The following SPATA17 variants were observed in gnomAD, a reference collection of about 807,000 sequenced individuals.
SPATA17 encodes spermatogenesis associated 17.
Under a neutral mutation model 62.2 loss-of-function variants are expected in SPATA17, and 53 were observed. The observed-to-expected ratio is 0.85, with a 90% CI of 0.68 to 1.07. SPATA17 has a LOEUF of 1.07. Among genes scored for constraint, SPATA17 ranks in the 50% least tolerant of loss-of-function variants. The pLI, the probability that SPATA17 is intolerant of heterozygous loss-of-function variation, is 0.00. For missense variants in SPATA17, 466 were observed against 425.5 expected, an observed-to-expected ratio of 1.10 and a Z score of -0.84; for synonymous variants, 146 against 146.8, an observed-to-expected ratio of 0.99 and a Z score of 0.04.
chr1:217,769,551 A>G (rs1286721875), intron 6 of SPATA17, among the ~76,000 whole-genome samples: 3 of 152,250 alleles, frequency 2.0e-5, no homozygotes, highest in African/African-American at 7.2e-5. Context: ...GAAGAGCTCC[A>G]AATGATCTCT....
intron 5 of SPATA17, among the ~76,000 whole-genome samples, chr1:217,700,112 T>TC (rs1229621525): frequency 6.6e-6 from 1 of 151,984 alleles, no homozygotes; most frequent in Non-Finnish European, 1.5e-5. Flanking sequence ...TTTCACTCTA[T>TC]TTTTTTTCAA....
chr1:217,815,959 A>G (rs757978710), intron 9 of SPATA17, among the ~76,000 whole-genome samples: 1 of 152,110 alleles, frequency 6.6e-6, no homozygotes, highest in Non-Finnish European at 1.5e-5. Context: ...TAGTATTAAT[A>G]CTTCCATTAT....
Position 217,815,537 on chromosome 1 carries a change from A to T in SPATA17, c.1005+13687A>T, listed in dbSNP as rs770879140. ...TAAAACTTCTGAGTCAAAGAATGTG[A>T]TGGGTAGTTTTATGTTATGTCAGTT... On this transcript the variant is annotated intron_variant, in intron 9 of 10. Coordinates refer to ENST00000366933, the MANE Select transcript of SPATA17 (RefSeq NM_138796.4). Among the ~76,000 whole-genome samples, 91 of 152,154 alleles carry T rather than the reference A, an allele frequency of 6.0e-4. 1 individual carries two copies. Among genetic ancestry groups the T allele is most frequent in the Non-Finnish European group, 1.9e-4 (13 of 68,028 alleles).
intron 5 of SPATA17, among the ~76,000 whole-genome samples, chr1:217,722,158 T>C (rs890867156): frequency 1.3e-5 from 2 of 152,030 alleles, no homozygotes; most frequent in African/African-American, 4.8e-5. Flanking sequence ...TAAAGAAAAA[T>C]AAATGAGGGG....
chr1:217,862,919 G>T (rs1675926880), intron 10 of SPATA17, 63 bp downstream of exon 10: 2 of 1,048,232 alleles, frequency 1.9e-6, no homozygotes, highest in South Asian at 1.6e-5. Context: ...AAAATCAAAT[G>T]GGGTTGACTT....
At chr1:217,814,044 A>G (rs1674657898) in intron 9 of SPATA17, among the ~76,000 whole-genome samples, 1 of 152,126 alleles carries the variant, frequency 6.6e-6, no homozygotes, top group South Asian at 2.1e-4. Flanking sequence ...TTTAAAAATG[A>G]TACAACAGGG....
chr1:217,753,508 A>G (rs907999375), intron 6 of SPATA17, among the ~76,000 whole-genome samples: 3 of 152,030 alleles, frequency 2.0e-5, no homozygotes, highest in Non-Finnish European at 2.9e-5. Flanking sequence ...ACTCAGGATC[A>G]GTTTATTTTC....
chr1:217,706,191 C>CT (rs34269158), intron 5 of SPATA17, among the ~76,000 whole-genome samples: 1 of 152,040 alleles, frequency 6.6e-6, no homozygotes, highest in African/African-American at 2.4e-5. Context: ...TGACTGAGCT[C>CT]TTTTTTTGCC....
At chr1:217,860,225 A>G (rs1260588927) in intron 9 of SPATA17, among the ~76,000 whole-genome samples, 1 of 152,120 alleles carries the variant, frequency 6.6e-6, no homozygotes, top group Admixed American at 6.5e-5. Context: ...TCTTTCTGTT[A>G]CTGATTTCTA....
At chr1:217,708,148 A>G (rs143829257) in intron 5 of SPATA17, among the ~76,000 whole-genome samples, 3 of 152,208 alleles carry the variant, frequency 2.0e-5, no homozygotes, top group Admixed American at 1.3e-4. Context: ...TGGAGGAACT[A>G]GAGAAACAAG....
At chr1:217,850,305 T>G (rs1357644457) in intron 9 of SPATA17, 1 of 471,142 alleles carries the variant, frequency 2.1e-6, no homozygotes, top group African/African-American at 2.0e-5. Flanking sequence ...GGTTCAACTA[T>G]TACTGAAACT....
intron 5 of SPATA17, among the ~76,000 whole-genome samples, chr1:217,725,118 A>G (rs1672232419): frequency 6.6e-6 from 1 of 152,180 alleles, no homozygotes; most frequent in African/African-American, 2.4e-5. Context: ...ATCTCTCTGG[A>G]ATCTATTTAA....
At chr1:217,686,274 G>A (rs906652857) in intron 5 of SPATA17, among the ~76,000 whole-genome samples, 37 of 152,012 alleles carry the variant, frequency 2.4e-4, no homozygotes, top group African/African-American at 7.7e-4. Flanking sequence ...TTTTGGGGAA[G>A]GTCAATCATT....
chr1:217,636,109 G>A (rs1416855170), intron 1 of SPATA17, among the ~76,000 whole-genome samples: 2 of 128,192 alleles, frequency 1.6e-5, no homozygotes, highest in African/African-American at 6.2e-5. Context: ...CTCCAGCCTG[G>A]CGACAGAATG....
chr1:217,744,462 CAAAAAAAAAAAA>C (rs766645844), intron 6 of SPATA17, among the ~76,000 whole-genome samples: 1 of 30,606 alleles, frequency 3.3e-5, no homozygotes, highest in African/African-American at 8.7e-5. Flanking sequence ...GACTCCGTCT[CAAAAAAAAAAAA>C]AAAAAAAAAA....
chr1:217,721,675 C>T (rs1281932938), intron 5 of SPATA17, among the ~76,000 whole-genome samples: 2 of 152,164 alleles, frequency 1.3e-5, no homozygotes, highest in Non-Finnish European at 2.9e-5. Flanking sequence ...TCTGGCTTAT[C>T]CCTTAAAGGA....
chr1:217,643,161 C>T (rs765852910), intron 1 of SPATA17, among the ~76,000 whole-genome samples: 23 of 152,090 alleles, frequency 1.5e-4, no homozygotes, highest in African/African-American at 2.9e-4. Context: ...CAGCACAATA[C>T]GTTCATTCTA....
chr1:217,725,547 C>G (rs191812282), intron 5 of SPATA17, among the ~76,000 whole-genome samples: 59 of 152,344 alleles, frequency 3.9e-4, no homozygotes, highest in African/African-American at 1.4e-3. Context: ...ACTGCAACCT[C>G]TGCCTCCTGG....
rs757938220 is a variant in SPATA17 at position 217,782,369 on chromosome 1, T to C, written c.872+47T>C. On this transcript the variant is annotated intron_variant, in intron 8 of 10. Coordinates refer to ENST00000366933, the MANE Select transcript of SPATA17 (RefSeq NM_138796.4). Reference sequence around the variant, plus strand: ...AATAGCTGTGACATATTTGGTGCCTTAAATTTTCTAATTTTTTTATTTTCT... The same window carrying C: ...AATAGCTGTGACATATTTGGTGCCTCAAATTTTCTAATTTTTTTATTTTCT... The C allele has an allele frequency of 4.6e-6, 7 of 1,517,352 alleles. 1 individual carries two copies. In the East Asian group the frequency reaches 1.2e-4, roughly 25 times the overall value. 94.0% of individuals were successfully genotyped at this position (1,517,352 alleles called of 1,614,324 possible). A position where few individuals can be genotyped will look rare whatever the true frequency, so the allele number is the denominator to read the frequency against.
Sources: allele counts gnomAD v4.1 joint callset (sites outside exome capture counted in the v4.1 genomes callset), GRCh38; gene constraint gnomAD v4.1.1; transcripts MANE v1.5; gene names NCBI Gene and HGNC (gene_info 2026-07-23, HGNC 2026-07-21).